RELA: variants seen among roughly 807,000 people sequenced by gnomAD.
RELA encodes transcription factor p65.
In RELA, 14 loss-of-function variants were observed where a neutral mutation model predicts 56.7. That is an observed-to-expected ratio of 0.25 (90% CI 0.16 to 0.39). The LOEUF (loss-of-function observed/expected upper bound fraction) is 0.39. Among genes scored for constraint, RELA ranks in the 10% least tolerant of loss-of-function variants. The probability of loss-of-function intolerance (pLI) is 1.00; values close to 1 mark genes in which losing one functional copy is unlikely to be tolerated. For missense variants in RELA, 559 were observed against 736.4 expected, an observed-to-expected ratio of 0.76 and a Z score of 2.79; for synonymous variants, 315 against 289.7, an observed-to-expected ratio of 1.09 and a Z score of -0.89.
chr11:65,658,771 C>A lies in RELA; in HGVS notation c.611G>T (p.Gly204Val). The A allele has an allele frequency of 6.2e-7, 1 of 1,614,184 alleles. No homozygotes were observed. Among genetic ancestry groups the A allele is most frequent in the Non-Finnish European group, 8.5e-7 (1 of 1,180,036 alleles). Residue 204 changes from glycine to valine, a missense_variant, in exon 7 of 11, where the codon GGC becomes GTC. Transcript: ENST00000406246. This position sits in a 1 kb window ranked among gnomAD's most constrained non-coding sequence, Gnocchi z 4.5. ...GATCTCATCCCCACCGAGGCAGCTG[C>A]CAGAGTTTCGGTTCACTCGGCAGAT... ...LKICRVNRNS[G>V]SCLGGDEIFL... is the part of the protein sequence containing the mutation.
At position 65,654,235 on chromosome 11, in the gene RELA, A is replaced by T; in HGVS notation, c.*143T>A. On this transcript the variant is annotated 3_prime_UTR_variant, in exon 11 of 11. Coordinates refer to ENST00000406246, the MANE Select transcript of RELA (RefSeq NM_021975.4). The stretch of plus-strand genomic sequence containing the variant: ...GAGATACAGATACTGACAATAAAAG[A>T]ATAAAATATGGCTCCCCCCTCCAAG... 1 of 986,786 alleles carries T rather than the reference A, an allele frequency of 1.0e-6. No homozygotes were observed. 61.1% of individuals were successfully genotyped at this position (986,786 alleles called of 1,614,324 possible). A position where few individuals can be genotyped will look rare whatever the true frequency, so the allele number is the denominator to read the frequency against.
intron 2 of RELA, 39 bp downstream of exon 2, chr11:65,662,140 C>A (rs903443793): frequency 1.9e-6 from 3 of 1,594,762 alleles, no homozygotes; most frequent in South Asian, 1.1e-5. Flanking sequence ...CTGCCCTACC[C>A]CAGGGAGCAC....
At chr11:65,661,861 A>G (rs773490308) in intron 3 of RELA, 26 bp from the exon 4 acceptor site, 11 of 1,602,622 alleles carry the variant, frequency 6.9e-6, no homozygotes, top group Non-Finnish European at 4.3e-6. Context: ...AGGCCCAGAC[A>G]TCCAAACCTG....
intron 10 of RELA, 155 bp downstream of exon 10, chr11:65,655,533 A>C: frequency 4.4e-6 from 3 of 688,518 alleles, no homozygotes; most frequent in Non-Finnish European, 7.6e-6. Context: ...TTCAGTGTGC[A>C]TTAGCATCCC....
chr11:65,663,328 G>C (rs181268952), upstream of RELA, among the ~76,000 whole-genome samples: 1 of 152,226 alleles, frequency 6.6e-6, no homozygotes, highest in African/African-American at 2.4e-5. Flanking sequence ...GCAGAGGCCG[G>C]GTGGTTGAAC....
intron 8 of RELA, among the ~76,000 whole-genome samples, chr11:65,657,012 G>A (rs776619501): frequency 1.4e-5 from 2 of 138,010 alleles, no homozygotes; most frequent in Non-Finnish European, 3.1e-5. Flanking sequence ...GGCGACAAGA[G>A]TGAGACTCTG....
At chr11:65,657,716 G>A (rs1856465558) in intron 8 of RELA, among the ~76,000 whole-genome samples, 1 of 152,170 alleles carries the variant, frequency 6.6e-6, no homozygotes, top group Non-Finnish European at 1.5e-5. Flanking sequence ...GTGCTTCTCT[G>A]CGCACACCTC....
Position 65,654,805 on chromosome 11 carries a change from A to C in RELA, c.1229T>G (p.Val410Gly). ...AGGAGGGCCTGGGGCTAGGACTGGG[A>C]CAGGGGCTGGGGCCTGGGCCAGAGC... The part of the protein sequence containing the change: ...VSALAQAPAP[V>G]PVLAPGPPQA... Residue 410 changes from valine (V) to glycine (G), a missense_variant, in exon 11 of 11, where the codon GTC becomes GGC. Coordinates refer to ENST00000406246, the MANE Select transcript of RELA (RefSeq NM_021975.4). The C allele has an allele frequency of 6.5e-7, 1 of 1,530,208 alleles. No individual in the cohort carries two copies. Among genetic ancestry groups the C allele is most frequent in the South Asian group, 1.2e-5 (1 of 80,090 alleles). 94.8% of individuals were successfully genotyped at this position (1,530,208 alleles called of 1,614,324 possible). A position where few individuals can be genotyped will look rare whatever the true frequency, so the allele number is the denominator to read the frequency against.
Position 65,658,567 on chromosome 11 carries a change from G to A in RELA, c.665-68C>T. 1.4e-6 allele frequency: 2 copies of A among 1,445,542 alleles called. No individual in the cohort carries two copies. The highest frequency in any genetic ancestry group is 1.9e-6 in the Non-Finnish European group (2 of 1,043,844). The allele number at this position is 1,445,542 out of a possible 1,614,324, so 89.5% of individuals were successfully genotyped here. On this transcript the variant is annotated intron_variant, in intron 7 of 10. Transcript: ENST00000406246. This position sits in a 1 kb window ranked among gnomAD's most constrained non-coding sequence, Gnocchi z 4.5. ...CTCCATGGTCTCCCCCTCAACTTCT[G>A]ATGCTTGTCTTCTGATACATCACCC...
At position 65,655,754 on chromosome 11, in the gene RELA, C is replaced by T. The variant is rs138794116; in HGVS notation, c.967G>A (p.Asp323Asn). 2.5e-5 allele frequency: 40 copies of T among 1,613,792 alleles called. No homozygotes were observed. In the African/African-American group the frequency reaches 2.9e-4, roughly 12 times the overall value. ...MKKSPFSGPT[D>N]PRPPPRRIAV... is the part of the protein sequence containing the mutation. ...ATGCGTCGAGGTGGAGGCCGGGGGT[C>T]GGTGGGTCCTGTAGGGCAAGGGCTA... The change falls in exon 10 of 11, where the codon GAC (aspartate) becomes AAC (asparagine). Residue 323 changes from aspartate (D) to asparagine (N), a missense_variant. Coordinates refer to ENST00000406246, the MANE Select transcript of RELA (RefSeq NM_021975.4).
chr11:65,654,116 T>G lies in RELA; in HGVS notation c.*262A>C. On this transcript the variant is annotated 3_prime_UTR_variant, in exon 11 of 11. Coordinates refer to ENST00000406246, the MANE Select transcript of RELA (RefSeq NM_021975.4). ...CAGAGTTCCCTACAGAGAAGGGAGC[T>G]GACCATCAGGACAGGGGAAAAGTTT... 3.8e-6 allele frequency: 2 copies of G among 522,520 alleles called. No individual in the cohort carries two copies. The highest frequency in any genetic ancestry group is 7.0e-6 in the Non-Finnish European group (2 of 287,398). 32.4% of individuals were successfully genotyped at this position (522,520 alleles called of 1,614,324 possible). A position where few individuals can be genotyped will look rare whatever the true frequency, so the allele number is the denominator to read the frequency against.
chr11:65,655,382 A>T (rs11227247), intron 10 of RELA: 2 of 578,166 alleles, frequency 3.5e-6, no homozygotes, highest in Admixed American at 3.2e-5. Flanking sequence ...AGCCTCGCAC[A>T]GGCACACACA....
Position 65,654,269 on chromosome 11 carries a change from C to G in RELA, c.*109G>C. ...TGGCTCCCCCCTCCAAGGAAGACAT[C>G]CACAAAGTTGGGGGCAGTTGGAACA... On this transcript the variant is annotated 3_prime_UTR_variant, in exon 11 of 11. Coordinates refer to ENST00000406246, the MANE Select transcript of RELA (RefSeq NM_021975.4). The G allele has an allele frequency of 7.3e-7, 1 of 1,377,200 alleles. No homozygotes were observed. Among genetic ancestry groups the G allele is most frequent in the Non-Finnish European group, 1.0e-6 (1 of 974,568 alleles). 85.3% of individuals were successfully genotyped at this position (1,377,200 alleles called of 1,614,324 possible).
At position 65,662,020 on chromosome 11, in the gene RELA, G is replaced by A; in HGVS notation, c.103C>T (p.Arg35Cys). The change falls in exon 3 of 11, where the codon CGC (arginine) becomes TGC (cysteine). Residue 35 changes from arginine (R) to cysteine (C), a missense_variant. This residue lies in a region of RELA where 24 missense variants were observed against 75.5 expected (regional missense o/e 0.32). Coordinates refer to ENST00000406246, the MANE Select transcript of RELA (RefSeq NM_021975.4). ...EQPKQRGMRF[R>C]YKCEGRSAGS... is the part of the protein sequence containing the mutation. ...GCGGAGCGCCCCTCGCACTTGTAGC[G>A]GAAGCGCATGCCCCGCTGCTTGGGC... 6.2e-7 allele frequency: 1 copy of A among 1,613,338 alleles called. No homozygotes were observed. The highest frequency in any genetic ancestry group is 2.2e-5 in the East Asian group (1 of 44,868).
chr11:65,656,556 T>G (rs1856434165), intron 8 of RELA, among the ~76,000 whole-genome samples: 1 of 152,184 alleles, frequency 6.6e-6, no homozygotes, highest in South Asian at 2.1e-4. Flanking sequence ...AATGATTATC[T>G]TCTTTTCTCT....
In RELA at chr11:65,654,507, C is replaced by T. The variant is rs1363246020; in HGVS notation, c.1527G>A (p.Arg509=). The part of the protein sequence containing the change: ...AITRLVTGAQ[R]PPDPAPAPLG... ...GTGGAGCAGGAGCTGGGTCGGGGGGCCTCTGGGCCCCTGTCACTAGGCGAG... is the reference window on the plus strand; with the variant it reads ...GTGGAGCAGGAGCTGGGTCGGGGGGTCTCTGGGCCCCTGTCACTAGGCGAG... The change falls in exon 11 of 11, where the codon AGG becomes AGA. Residue 509 remains arginine, a synonymous_variant. Transcript: ENST00000406246. 1.1e-5 allele frequency: 17 copies of T among 1,590,534 alleles called. No homozygotes were observed. The highest frequency in any genetic ancestry group is 1.4e-5 in the Non-Finnish European group (16 of 1,170,230).
Position 65,659,650 on chromosome 11 carries a change from C to G in RELA, c.559+16G>C, listed in dbSNP as rs768705797. 7.1e-5 allele frequency: 114 copies of G among 1,613,008 alleles called. No individual in the cohort carries two copies. Among genetic ancestry groups the G allele is most frequent in the Non-Finnish European group, 9.4e-5 (111 of 1,179,986 alleles). On this transcript the variant is annotated intron_variant, in intron 6 of 10. Coordinates refer to ENST00000406246, the MANE Select transcript of RELA (RefSeq NM_021975.4). ...GGCCCACCCTCTCCCCTTCCTGCGT[C>G]TCCCTCGCTACTCACGATTGTCAAA...
At chr11:65,662,615 T>C in intron 1 of RELA, 1 of 374,258 alleles carries the variant, frequency 2.7e-6, no homozygotes. Context: ...CCAGGGAGGA[T>C]GCTGAGTCAA....
chr11:65,660,931 C>G (rs965315422), intron 4 of RELA: 3 of 149,688 alleles, frequency 2.0e-5, no homozygotes, highest in African/African-American at 7.4e-5. Context: ...CCCAGCTATT[C>G]GGGAAGCTGA....
Sources: gnomAD v4.1 joint callset for allele counts (sites outside exome capture counted in the v4.1 genomes callset) on GRCh38, gnomAD v4.1.1 for gene constraint, gnomAD v4.1.1 regional missense constraint, Gnocchi (gnomAD v3.1) non-coding constraint, MANE v1.5 for transcripts, NCBI Gene and HGNC (gene_info 2026-07-23, HGNC 2026-07-21) for gene names.